PCDHGB3: variants seen among roughly 807,000 people sequenced by gnomAD.
PCDHGB3 encodes the protein protocadherin gamma-B3.
A neutral mutation model predicts 59.2 loss-of-function variants in PCDHGB3; 40 were observed. The ratio of observed to expected loss-of-function variants is 0.68; its 90% CI spans 0.52 to 0.88. PCDHGB3 has a LOEUF of 0.88. PCDHGB3 is among the 40% of genes least tolerant of loss of function. PCDHGB3 has a pLI of 0.00. For synonymous variants in PCDHGB3, 581 were observed against 503.6 expected (o/e 1.15, Z -2.06); for missense variants, 1,309 against 1,187.9 (o/e 1.10, Z -1.50).
intron 1 of PCDHGB3, chr5:141,419,144 A>G: frequency 6.2e-7 from 1 of 1,613,940 alleles, no homozygotes; most frequent in South Asian, 1.1e-5. Context: ...AGACAGGGGC[A>G]AGCCTCCGTT....
intron 1 of PCDHGB3, among the ~76,000 whole-genome samples, chr5:141,467,296 A>T (rs1032802325): frequency 1.3e-5 from 2 of 151,740 alleles, no homozygotes; most frequent in South Asian, 4.2e-4. Flanking sequence ...CAAGTGATCC[A>T]CTCACCTCGG....
At chr5:141,381,261 C>G (rs1221626643) in intron 1 of PCDHGB3, among the ~76,000 whole-genome samples, 2 of 152,248 alleles carry the variant, frequency 1.3e-5, no homozygotes, top group Non-Finnish European at 2.9e-5. Flanking sequence ...AATTTACAAA[C>G]CAAGACTGTT....
intron 1 of PCDHGB3, chr5:141,419,158 C>T (rs757849297): frequency 5.0e-6 from 8 of 1,613,950 alleles, no homozygotes; most frequent in Admixed American, 1.7e-5. Context: ...CTCCGTTATC[C>T]TCCAGCAAAA....
chr5:141,482,611 G>C (rs1016481108), intron 1 of PCDHGB3, among the ~76,000 whole-genome samples: 4 of 150,398 alleles, frequency 2.7e-5, no homozygotes, highest in Non-Finnish European at 5.9e-5. Context: ...ACACCTAAAT[G>C]AGCCTGGAGA....
chr5:141,506,109 A>G (rs1027886504), intron 3 of PCDHGB3, among the ~76,000 whole-genome samples: 5 of 152,126 alleles, frequency 3.3e-5, no homozygotes, highest in Middle Eastern at 3.2e-3. Flanking sequence ...GTCCCTGAAG[A>G]GTCACTAGGG....
rs766431596 is a variant in PCDHGB3 at position 141,422,883 on chromosome 5, C to T, written c.2415+50074C>T. The T allele has an allele frequency of 3.7e-6, 6 of 1,614,124 alleles. No homozygotes were observed. The African/African-American group carries it at 4.0e-5, about 11-fold the overall frequency. Reference sequence around the variant, plus strand: ...GCAGCAACGTGTCGCTGAGCCTGTTCGTGCTGGACCAGAACGACAATGCGC... The same window carrying T: ...GCAGCAACGTGTCGCTGAGCCTGTTTGTGCTGGACCAGAACGACAATGCGC... On this transcript the variant is annotated intron_variant, in intron 1 of 3. Transcript: ENST00000576222.
At position 141,486,182 on chromosome 5, in the gene PCDHGB3, C is replaced by G. The variant is rs1288782056; in HGVS notation, c.2416-8625C>G. On this transcript the variant is annotated intron_variant, in intron 1 of 3. Transcript: ENST00000576222. This position sits in a 1 kb window ranked among gnomAD's most constrained non-coding sequence, Gnocchi z 5.0. ...AGCCATGGAGCAACATTGCAGCCTT[C>G]GAGTGGATCTGCTGGACGTAAATGA... 1 of 1,614,198 alleles carries G rather than the reference C, an allele frequency of 6.2e-7. No individual in the cohort carries two copies. Among genetic ancestry groups the G allele is most frequent in the Non-Finnish European group, 8.5e-7 (1 of 1,180,028 alleles).
In PCDHGB3 at chr5:141,371,035, C is replaced by T. The variant is rs1277378735; in HGVS notation, c.641C>T (p.Ala214Val). The change falls in exon 1 of 4, where the codon GCT (alanine) becomes GTT (valine). Residue 214 changes from alanine to valine, a missense_variant. Ala to Val is a moderately conservative substitution (Grantham distance 64). Coordinates refer to ENST00000576222, the MANE Select transcript of PCDHGB3 (RefSeq NM_018924.5). ...CCACATCACCACCTGGTCCTCACAG[C>T]TGTGGATGGGGGCGAGCCCTCCAGA... ...EQPHHHLVLT[A>V]VDGGEPSRSC... The T allele has an allele frequency of 6.2e-7, 1 of 1,614,000 alleles. No individual in the cohort carries two copies. The highest frequency in any genetic ancestry group is 8.5e-7 in the Non-Finnish European group (1 of 1,179,898).
At chr5:141,456,175 A>G (rs2154565434) in intron 1 of PCDHGB3, among the ~76,000 whole-genome samples, 1 of 151,840 alleles carries the variant, frequency 6.6e-6, no homozygotes, top group East Asian at 1.9e-4. Context: ...GGGATTACAG[A>G]ATAATTTCTT....
chr5:141,421,477 A>G (rs755936665), intron 1 of PCDHGB3: 23 of 1,614,022 alleles, frequency 1.4e-5, no homozygotes, highest in Non-Finnish European at 1.7e-6. Context: ...GCGAAGCGGC[A>G]GCTTGATCAC....
At chr5:141,439,996 G>C (rs1156373511) in intron 1 of PCDHGB3, 1 of 153,262 alleles carries the variant, frequency 6.5e-6, no homozygotes, top group African/African-American at 2.4e-5. Flanking sequence ...GTTTGGTGGT[G>C]GGAAACCTTG....
chr5:141,509,577 C>G (rs569743928), intron 3 of PCDHGB3, among the ~76,000 whole-genome samples: 2 of 152,320 alleles, frequency 1.3e-5, no homozygotes, highest in African/African-American at 2.4e-5. Context: ...ACAGTGCGTA[C>G]AAATCAGCTG....
chr5:141,388,335 C>A (rs67622091), intron 1 of PCDHGB3: 89,774 of 1,613,756 alleles, frequency 0.056, 3,043 homozygotes, highest in African/African-American at 0.15. Context: ...GCCTGGCACA[C>A]GATTTATATT....
chr5:141,371,409 G>A lies in PCDHGB3; in HGVS notation c.1015G>A (p.Asp339Asn). 4.3e-6 allele frequency: 7 copies of A among 1,614,022 alleles called. No individual in the cohort carries two copies. Among genetic ancestry groups the A allele is most frequent in the Non-Finnish European group, 5.9e-6 (7 of 1,179,892 alleles). Residue 339 changes from aspartate to asparagine, a missense_variant, in exon 1 of 4, where the codon GAT (aspartate) becomes AAT (asparagine). By Grantham distance (23) the Asp-to-Asn change is conservative. Coordinates refer to ENST00000576222, the MANE Select transcript of PCDHGB3 (RefSeq NM_018924.5). ...AYCKVQIDISDENDNAPEITL... is the reference protein window; with the variant it reads ...AYCKVQIDISNENDNAPEITL... ...TTGTAAAGTACAGATAGATATTTCAGATGAAAATGACAATGCCCCGGAGAT... is the reference window on the plus strand; with the variant it reads ...TTGTAAAGTACAGATAGATATTTCAAATGAAAATGACAATGCCCCGGAGAT...
intron 1 of PCDHGB3, chr5:141,426,748 C>T: frequency 2.2e-6 from 1 of 455,172 alleles, no homozygotes; most frequent in African/African-American, 2.0e-5. Context: ...GGCCTGGAAT[C>T]TGCTATAGAT....
At chr5:141,418,800 GAT>G (rs777421725) in intron 1 of PCDHGB3, 1 of 1,613,800 alleles carries the variant, frequency 6.2e-7, no homozygotes, top group Non-Finnish European at 8.5e-7. Flanking sequence ...GAAGTAGAAA[GAT>G]ATACGATAAA....
rs1471863168 is a variant in PCDHGB3, at chr5:141,476,550, G to A, written c.2416-18257G>A. ...ACCCAGGAAATGAAATTGGAGATTA[G>A]CGAGGCCGTGGCTCCGGGGACGCGC... On this transcript the variant is annotated intron_variant, in intron 1 of 3. Transcript: ENST00000576222. The surrounding 1 kb of genome is among the most constrained non-coding windows in gnomAD (Gnocchi z 7.6). 1.2e-6 allele frequency: 2 copies of A among 1,614,110 alleles called. No individual in the cohort carries two copies. The highest frequency in any genetic ancestry group is 4.5e-5 in the East Asian group (2 of 44,884).
chr5:141,388,710 G>A (rs756980821), intron 1 of PCDHGB3: 3 of 1,613,966 alleles, frequency 1.9e-6, no homozygotes, highest in Non-Finnish European at 8.5e-7. Flanking sequence ...TGTCAATGCC[G>A]AGATTACTTT....
intron 1 of PCDHGB3, chr5:141,413,826 C>G (rs1363449): frequency 6.2e-7 from 1 of 1,613,180 alleles, no homozygotes; most frequent in Non-Finnish European, 8.5e-7. Flanking sequence ...TGGTCCTCAC[C>G]GCCTCCGACG....
Sources: gnomAD v4.1 joint callset for allele counts (sites outside exome capture counted in the v4.1 genomes callset) on GRCh38, gnomAD v4.1.1 for gene constraint, Gnocchi (gnomAD v3.1) non-coding constraint, MANE v1.5 for transcripts, NCBI Gene and HGNC (gene_info 2026-07-23, HGNC 2026-07-21) for gene names.